Variants in MFSD12 observed in about 807,000 individuals in gnomAD.
MFSD12 encodes the protein major facilitator superfamily domain containing 12.
In MFSD12, 67 loss-of-function variants were observed where a neutral mutation model predicts 51.2. That is an observed-to-expected ratio of 1.31 (90% confidence interval 1.08 to 1.60). The LOEUF is 1.60. MFSD12 is among the 40% of genes most tolerant of loss of function. The probability of loss-of-function intolerance (pLI) is 0.00; values close to 1 mark genes in which losing one functional copy is unlikely to be tolerated. For missense variants in MFSD12, 921 were observed against 673.0 expected, an observed-to-expected ratio of 1.37 and a Z score of -4.08; for synonymous variants, 441 against 316.7, an observed-to-expected ratio of 1.39 and a Z score of -4.17.
chr19:3,544,621 G>A lies in MFSD12; in HGVS notation c.*89C>T. On this transcript the variant is annotated 3_prime_UTR_variant, in exon 10 of 10. Transcript: ENST00000355415. ...GGGTGGGGGTCCAGAGAAGAGTGAG[G>A]GGCAGTGGGGGCTTTTCCCCAAGGC... 4.0e-6 allele frequency: 6 copies of A among 1,516,302 alleles called. No homozygotes were observed. Among genetic ancestry groups the A allele is most frequent in the Non-Finnish European group, 5.3e-6 (6 of 1,131,818 alleles). 93.9% of individuals were successfully genotyped at this position (1,516,302 alleles called of 1,614,324 possible).
chr19:3,554,833 T>C (rs2031653498), intron 1 of MFSD12, among the ~76,000 whole-genome samples: 1 of 152,188 alleles, frequency 6.6e-6, no homozygotes, highest in Non-Finnish European at 1.5e-5. Context: ...AATACAGAAG[T>C]GGGTGCCATT....
chr19:3,542,793 C>T, downstream of MFSD12: 2 of 1,369,782 alleles, frequency 1.5e-6, no homozygotes, highest in South Asian at 1.1e-5. Flanking sequence ...AGTGGGTCCC[C>T]CAGTCTTCCC....
rs761417983 is a variant in MFSD12 at position 3,551,313 on chromosome 19, G to A, written c.299-119C>T. The A allele has an allele frequency of 9.0e-6, 7 of 776,492 alleles. No individual in the cohort carries two copies. The highest frequency in any genetic ancestry group is 1.2e-5 in the Non-Finnish European group (6 of 494,456). 48.1% of individuals were successfully genotyped at this position (776,492 alleles called of 1,614,324 possible). A position where few individuals can be genotyped will look rare whatever the true frequency, so the allele number is the denominator to read the frequency against. ...GCACAGATGGAGACGCCCCCCGCAT[G>A]CACACAGTCACGCAGGAGCGAGGGT... On this transcript the variant is annotated intron_variant, in intron 1 of 9. Coordinates refer to ENST00000355415, the MANE Select transcript of MFSD12 (RefSeq NM_174983.5). The surrounding 1 kb of genome is among the most constrained non-coding windows in gnomAD (Gnocchi z 4.6).
chr19:3,544,111 G>A (rs556288321), downstream of MFSD12: 2 of 1,420,544 alleles, frequency 1.4e-6, no homozygotes, highest in Non-Finnish European at 9.3e-7. Context: ...CAGACACTGG[G>A]CTCGCTGGCC....
chr19:3,538,952 C>T (rs1181589567), intron 4 of MFSD12: 4 of 638,752 alleles, frequency 6.3e-6, no homozygotes, highest in Non-Finnish European at 8.6e-6. Context: ...GGGCTCAGGG[C>T]CACGGACCCC....
At chr19:3,545,219 G>A (rs2030892176) in intron 8 of MFSD12, among the ~76,000 whole-genome samples, 1 of 152,196 alleles carries the variant, frequency 6.6e-6, no homozygotes, top group Non-Finnish European at 1.5e-5. Context: ...CCGGTCCCAG[G>A]CTGCAACTTC....
At chr19:3,544,096 A>G, downstream of MFSD12, 1 of 1,438,950 alleles carries the variant, frequency 6.9e-7, no homozygotes, top group Non-Finnish European at 9.2e-7. Context: ...GGCTCGGGAC[A>G]GAGGCAGACA....
chr19:3,543,491 C>CCT (rs756313696), downstream of MFSD12: 54 of 1,516,086 alleles, frequency 3.6e-5, no homozygotes, highest in South Asian at 5.5e-4. Context: ...CCCCCCCCCC[C>CCT]GCCCTGGGCA....
rs1568255156 is a variant in MFSD12, at chr19:3,546,378, C to T, written c.1071G>A (p.Trp357Ter). The T allele has an allele frequency of 2.5e-6, 4 of 1,608,304 alleles. No individual in the cohort carries two copies. Among genetic ancestry groups the T allele is most frequent in the African/African-American group, 1.3e-5 (1 of 74,898 alleles). The change falls in exon 7 of 10, where the codon TGG (tryptophan) becomes TGA (stop). Residue 357 changes from tryptophan to a stop codon, truncating the protein, a stop_gained. Coordinates refer to ENST00000355415, the MANE Select transcript of MFSD12 (RefSeq NM_174983.5). LOFTEE classifies it high-confidence loss of function. ...CACCCAGTCCCTCCGCCAGCGCCAC[C>T]CAGGCGGCAAAGGCCAGGATCACCA... ...GLLVILAFAAWVALAEGLGVA... is the reference protein window; with the variant it reads ...GLLVILAFAA
chr19:3,542,091 T>C (rs1238714471), downstream of MFSD12: 2 of 983,440 alleles, frequency 2.0e-6, no homozygotes, highest in Non-Finnish European at 2.4e-6. Flanking sequence ...ATTACAGGCA[T>C]GAGCCACTGC....
At chr19:3,553,006 A>T (rs1159186482) in intron 1 of MFSD12, among the ~76,000 whole-genome samples, 1 of 152,060 alleles carries the variant, frequency 6.6e-6, no homozygotes, top group Non-Finnish European at 1.5e-5. Flanking sequence ...CTCCCTCCGG[A>T]GGTGACCTCA....
downstream of MFSD12, chr19:3,542,827 C>T (rs1170886518): frequency 7.3e-6 from 10 of 1,375,150 alleles, no homozygotes; most frequent in Non-Finnish European, 9.7e-6. Context: ...AGTGCCAGCC[C>T]CAGACCACTT....
At chr19:3,543,002 G>C, downstream of MFSD12, 3 of 1,597,948 alleles carry the variant, frequency 1.9e-6, no homozygotes, top group Non-Finnish European at 2.6e-6. Flanking sequence ...GTTTAGTGCT[G>C]ACTTGGGTGC....
At chr19:3,553,412 G>A (rs1370606886) in intron 1 of MFSD12, among the ~76,000 whole-genome samples, 1 of 150,626 alleles carries the variant, frequency 6.6e-6, no homozygotes, top group African/African-American at 2.4e-5. Context: ...GGTCGAGGCT[G>A]CAGTGAGTCG....
chr19:3,543,280 CA>C, downstream of MFSD12: 1 of 1,548,052 alleles, frequency 6.5e-7, no homozygotes. Flanking sequence ...CACCAGCCAT[CA>C]GGCAGGCCAC....
chr19:3,541,643 A>G (rs556636325), downstream of MFSD12: 8 of 984,120 alleles, frequency 8.1e-6, no homozygotes, highest in Non-Finnish European at 9.6e-6. Flanking sequence ...TCTATTTTTT[A>G]AAAAAATGGA....
In MFSD12 at chr19:3,544,399, A is replaced by C; in HGVS notation, c.*311T>G. ...GGTGAACTGGACTGAGCTCAGGGTT[A>C]GGGTTCCCCCAGACCCTTCTGGGAT... On this transcript the variant is annotated 3_prime_UTR_variant, in exon 10 of 10. Coordinates refer to ENST00000355415, the MANE Select transcript of MFSD12 (RefSeq NM_174983.5). 7.7e-7 allele frequency: 1 copy of C among 1,304,328 alleles called. No individual in the cohort carries two copies. Among genetic ancestry groups the C allele is most frequent in the African/African-American group, 1.5e-5 (1 of 67,134 alleles). 80.8% of individuals were successfully genotyped at this position (1,304,328 alleles called of 1,614,324 possible).
chr19:3,549,214 G>A (rs2031306813), intron 2 of MFSD12, among the ~76,000 whole-genome samples: 1 of 152,162 alleles, frequency 6.6e-6, no homozygotes, highest in African/African-American at 2.4e-5. Flanking sequence ...GGATAAGCCG[G>A]GCACCCGCTG....
At chr19:3,543,487 CCCCCG>C, downstream of MFSD12, 3 of 1,519,524 alleles carry the variant, frequency 2.0e-6, no homozygotes, top group Non-Finnish European at 2.6e-6. Flanking sequence ...AGTGCCCCCC[CCCCCG>C]CCCTGGGCAG....
Sources: allele counts gnomAD v4.1 joint callset (sites outside exome capture counted in the v4.1 genomes callset), GRCh38; gene constraint gnomAD v4.1.1; non-coding constraint Gnocchi (gnomAD v3.1); transcripts MANE v1.5; gene names NCBI Gene and HGNC (gene_info 2026-07-23, HGNC 2026-07-21).